ANKFN1: variants seen among roughly 807,000 people sequenced by gnomAD.
ANKFN1 encodes ankyrin repeat and fibronectin type-III domain-containing protein 1.
Under a neutral mutation model 108.7 loss-of-function variants are expected in ANKFN1, and 74 were observed. That is an observed-to-expected ratio of 0.68 (90% CI 0.56 to 0.83). The LOEUF is 0.83. Among genes scored for constraint, ANKFN1 ranks in the 40% least tolerant of loss-of-function variants. ANKFN1 has a pLI of 0.00. For synonymous variants in ANKFN1, 547 were observed against 516.2 expected, an observed-to-expected ratio of 1.06 and a Z score of -0.81; for missense variants, 1,505 against 1,382.3, an observed-to-expected ratio of 1.09 and a Z score of -1.41.
intron 4 of ANKFN1, among the ~76,000 whole-genome samples, chr17:56,331,145 T>A (rs190634347): frequency 1.0e-3 from 155 of 152,332 alleles, no homozygotes; most frequent in African/African-American, 3.5e-3. Context: ...AATCTTTTGC[T>A]TTTAGAAGCC....
chr17:56,223,520 A>C (rs1191878401), intron 2 of ANKFN1, among the ~76,000 whole-genome samples: 1 of 152,236 alleles, frequency 6.6e-6, no homozygotes, highest in Non-Finnish European at 1.5e-5. Context: ...AAGGCTAGGA[A>C]AAAACAAAAA....
chr17:56,228,477 A>G (rs1308962062), intron 3 of ANKFN1: 1 of 152,216 alleles, frequency 6.6e-6, no homozygotes, highest in African/African-American at 2.4e-5. Flanking sequence ...TCCAGTGTCT[A>G]TACCCAAATT....
chr17:56,421,302 A>G (rs1202425909), intron 8 of ANKFN1, among the ~76,000 whole-genome samples: 1 of 152,224 alleles, frequency 6.6e-6, no homozygotes, highest in Non-Finnish European at 1.5e-5. Flanking sequence ...CTCAATGAGG[A>G]ACACATAGGC....
At chr17:56,138,963 T>C (rs1397682754) in intron 4 of ANKFN1, among the ~76,000 whole-genome samples, 1 of 152,192 alleles carries the variant, frequency 6.6e-6, no homozygotes, top group Non-Finnish European at 1.5e-5. Context: ...TGGAAAGTTT[T>C]AAGCTCTAAA....
chr17:56,130,185 A>G (rs1907192852), intron 4 of ANKFN1, among the ~76,000 whole-genome samples: 1 of 152,174 alleles, frequency 6.6e-6, no homozygotes, highest in Admixed American at 6.5e-5. Context: ...TAGAGCAGCA[A>G]TGCTCGCATT....
intron 1 of ANKFN1, among the ~76,000 whole-genome samples, chr17:56,158,304 A>G (rs566901599): frequency 1.3e-5 from 2 of 152,328 alleles, no homozygotes; most frequent in African/African-American, 2.4e-5. Context: ...CAGTTCCAAC[A>G]TGGGCTCATC....
At chr17:56,508,761 T>A (rs1158137229) in intron 20 of ANKFN1, among the ~76,000 whole-genome samples, 1 of 152,236 alleles carries the variant, frequency 6.6e-6, no homozygotes, top group Non-Finnish European at 1.5e-5. Flanking sequence ...AAAACCTATG[T>A]TCTGCCACAG....
At position 56,350,888 on chromosome 17, in the gene ANKFN1, T is replaced by A. The variant is rs1026430282; in HGVS notation, c.311T>A (p.Leu104Gln). 1.4e-5 allele frequency: 22 copies of A among 1,613,638 alleles called. No homozygotes were observed. The highest frequency in any genetic ancestry group is 1.9e-5 in the Non-Finnish European group (22 of 1,179,876). ...CTGTACAGGAACCTCTCTGAGAAAC[T>A]GAAAGGGAGCCACTCTTCCTTCGAT... ...KRLYRNLSEK[L>Q]KGSHSSFDEA... Residue 104 changes from leucine to glutamine, a missense_variant, in exon 5 of 21, where the codon CTG becomes CAG. Physicochemically the swap from Leu to Gln is moderately radical, Grantham distance 113. Coordinates refer to ENST00000682825, the MANE Select transcript of ANKFN1 (RefSeq NM_001370326.1).
chr17:56,219,836 C>T (rs909728992), intron 2 of ANKFN1, among the ~76,000 whole-genome samples: 1 of 152,200 alleles, frequency 6.6e-6, no homozygotes, highest in Admixed American at 6.5e-5. Flanking sequence ...ATGGCGGCTA[C>T]TGAAACCAGT....
chr17:56,111,686 A>T (rs1259422708), intron 4 of ANKFN1, among the ~76,000 whole-genome samples: 1 of 152,212 alleles, frequency 6.6e-6, no homozygotes, highest in Non-Finnish European at 1.5e-5. Context: ...TGTTTGGGGT[A>T]TGTAAAAATG....
intron 3 of ANKFN1, among the ~76,000 whole-genome samples, chr17:56,283,017 T>A (rs1432537747): frequency 1.3e-5 from 2 of 152,210 alleles, no homozygotes; most frequent in African/African-American, 4.8e-5. Context: ...GCAGGTTTGC[T>A]ACATAGGTAA....
intron 15 of ANKFN1, among the ~76,000 whole-genome samples, chr17:56,476,854 A>C (rs906813709): frequency 3.9e-5 from 6 of 152,248 alleles, no homozygotes; most frequent in Admixed American, 6.5e-5. Context: ...TTTAAAAATC[A>C]AGCCAAAAAA....
chr17:56,120,459 C>T (rs1253241271), intron 4 of ANKFN1, among the ~76,000 whole-genome samples: 1 of 152,092 alleles, frequency 6.6e-6, no homozygotes, highest in Non-Finnish European at 1.5e-5. Context: ...TAATCCAACC[C>T]TTAGGATTTC....
At chr17:56,194,299 A>G (rs931523966) in intron 1 of ANKFN1, among the ~76,000 whole-genome samples, 1 of 152,222 alleles carries the variant, frequency 6.6e-6, no homozygotes, top group Non-Finnish European at 1.5e-5. Flanking sequence ...ATATCCACAC[A>G]AAAACCTGCA....
In ANKFN1 at chr17:56,379,359, A is replaced by C. The variant is rs866625640; in HGVS notation, c.910+4645A>C. On this transcript the variant is annotated intron_variant, in intron 8 of 20. Coordinates refer to ENST00000682825, the MANE Select transcript of ANKFN1 (RefSeq NM_001370326.1). Reference sequence around the variant, plus strand: ...GCTTGCAGTGAGCTGAGATCGTGCCACTGCACTCCAGCCTGGGTGACAGAG... The same window carrying C: ...GCTTGCAGTGAGCTGAGATCGTGCCCCTGCACTCCAGCCTGGGTGACAGAG... Among the ~76,000 whole-genome samples, 45 of 151,776 alleles carry C rather than the reference A, an allele frequency of 3.0e-4. No individual in the cohort carries two copies. The Middle Eastern group carries it at 0.01, about 34-fold the overall frequency.
At chr17:56,507,319 A>G (rs1464812439) in intron 20 of ANKFN1, among the ~76,000 whole-genome samples, 2 of 152,052 alleles carry the variant, frequency 1.3e-5, no homozygotes, top group African/African-American at 4.8e-5. Context: ...GTCTTTATAC[A>G]TTTCTCTCCT....
intron 3 of ANKFN1, among the ~76,000 whole-genome samples, chr17:56,302,739 G>C (rs1034341356): frequency 7.9e-5 from 12 of 152,048 alleles, no homozygotes; most frequent in African/African-American, 2.4e-4. Flanking sequence ...TCTACGCATA[G>C]GCTACCAAAC....
At chr17:56,138,428 G>A (rs1054689980) in intron 4 of ANKFN1, among the ~76,000 whole-genome samples, 2 of 152,058 alleles carry the variant, frequency 1.3e-5, no homozygotes, top group Non-Finnish European at 2.9e-5. Context: ...ATACAGCAGA[G>A]TGGGTGCTTG....
At chr17:56,194,265 T>G (rs937523091) in intron 1 of ANKFN1, among the ~76,000 whole-genome samples, 1 of 152,220 alleles carries the variant, frequency 6.6e-6, no homozygotes, top group South Asian at 2.1e-4. Context: ...CTTCTTGGTA[T>G]TTATCCTAAG....
Sources: allele counts gnomAD v4.1 joint callset (sites outside exome capture counted in the v4.1 genomes callset), GRCh38; gene constraint gnomAD v4.1.1; transcripts MANE v1.5; gene names NCBI Gene and HGNC (gene_info 2026-07-23, HGNC 2026-07-21).